Variants in SMIM3 observed in about 807,000 individuals in gnomAD.
SMIM3 encodes NGF-induced differentiation clone 67 protein.
A neutral mutation model predicts 2.1 loss-of-function variants in SMIM3; 4 were observed. The observed-to-expected ratio is 1.89, with a 90% CI of 0.93 to 4.31. SMIM3 has a LOEUF of 4.31. Among genes scored for constraint, SMIM3 ranks in the 30% most tolerant of loss-of-function variants. The probability of loss-of-function intolerance (pLI) is 0.01; values close to 1 mark genes in which losing one functional copy is unlikely to be tolerated. For synonymous variants in SMIM3, 29 were observed against 30.8 expected (o/e 0.94, Z 0.19); for missense variants, 79 against 77.7 (o/e 1.02, Z -0.06).
At chr5:150,782,779 C>A (rs1026282020) in intron 1 of SMIM3, among the ~76,000 whole-genome samples, 2 of 152,178 alleles carry the variant, frequency 1.3e-5, no homozygotes, top group African/African-American at 2.4e-5. Flanking sequence ...TTAGGTTCCA[C>A]GAGTGAGCTC....
intron 1 of SMIM3, among the ~76,000 whole-genome samples, chr5:150,786,644 G>T (rs1170704211): frequency 1.3e-5 from 2 of 152,068 alleles, no homozygotes; most frequent in East Asian, 3.9e-4. Flanking sequence ...CAAATTCTCT[G>T]TCAAAATTCT....
chr5:150,786,760 A>T (rs950982653), intron 1 of SMIM3, among the ~76,000 whole-genome samples: 10 of 150,898 alleles, frequency 6.6e-5, no homozygotes, highest in African/African-American at 2.4e-4. Context: ...TTTTTTTTCT[A>T]TTGTCTGTTG....
At position 150,795,848 on chromosome 5, in the gene SMIM3, A is replaced by AT. The variant is rs529772601; in HGVS notation, c.*226dup. On this transcript the variant is annotated 3_prime_UTR_variant, in exon 2 of 2. Transcript: ENST00000526627. ...TGGTGATCCCTGCCCTTTCTACCTC[A>AT]TAGGGATGTGAGAACCACCTGACTT... 2.9e-4 allele frequency: 167 copies of AT among 567,138 alleles called. No individual in the cohort carries two copies. Among genetic ancestry groups the AT allele is most frequent in the African/African-American group, 2.8e-3 (151 of 53,318 alleles). The allele number at this position is 567,138 out of a possible 1,614,324, so 35.1% of individuals were successfully genotyped here. A position where few individuals can be genotyped will look rare whatever the true frequency, so the allele number is the denominator to read the frequency against.
chr5:150,796,059 C>T lies in SMIM3; in HGVS notation c.*436C>T, dbSNP rs772549328. 6.0e-6 allele frequency: 1 copy of T among 166,458 alleles called. No homozygotes were observed. The highest frequency in any genetic ancestry group is 2.4e-5 in the African/African-American group (1 of 41,722). 10.3% of individuals were successfully genotyped at this position (166,458 alleles called of 1,614,324 possible). On this transcript the variant is annotated 3_prime_UTR_variant, in exon 2 of 2. Coordinates refer to ENST00000526627, the MANE Select transcript of SMIM3 (RefSeq NM_032947.5). ...CCCTCAGGTCAAACCAAGCCAAGAGCACCCTGTCCCCATTCCAAGGGGCCA... is the reference window on the plus strand; with the variant it reads ...CCCTCAGGTCAAACCAAGCCAAGAGTACCCTGTCCCCATTCCAAGGGGCCA...
chr5:150,783,239 G>A (rs1387260615), intron 1 of SMIM3, among the ~76,000 whole-genome samples: 1 of 152,190 alleles, frequency 6.6e-6, no homozygotes, highest in Admixed American at 6.5e-5. Flanking sequence ...GCTACAAAGT[G>A]GCCAGTGTGG....
chr5:150,782,255 T>G (rs1400916963), intron 1 of SMIM3, among the ~76,000 whole-genome samples: 1 of 152,224 alleles, frequency 6.6e-6, no homozygotes, highest in Non-Finnish European at 1.5e-5. Context: ...GTGAAATGAC[T>G]GTGCTGGGTT....
chr5:150,779,960 G>C (rs1753214913), intron 1 of SMIM3, among the ~76,000 whole-genome samples: 1 of 151,980 alleles, frequency 6.6e-6, no homozygotes, highest in Admixed American at 6.6e-5. Context: ...CTGCACCTGG[G>C]GGCTGAGGAG....
Position 150,795,849 on chromosome 5 carries a change from T to A in SMIM3, c.*226T>A, listed in dbSNP as rs1753399464. The A allele has an allele frequency of 1.4e-5, 8 of 563,904 alleles. No homozygotes were observed. The Admixed American group carries it at 2.5e-4, about 17-fold the overall frequency. 34.9% of individuals were successfully genotyped at this position (563,904 alleles called of 1,614,324 possible). ...GGTGATCCCTGCCCTTTCTACCTCA[T>A]AGGGATGTGAGAACCACCTGACTTA... On this transcript the variant is annotated 3_prime_UTR_variant, in exon 2 of 2. Coordinates refer to ENST00000526627, the MANE Select transcript of SMIM3 (RefSeq NM_032947.5).
At chr5:150,785,062 A>ATTT (rs796909997) in intron 1 of SMIM3, among the ~76,000 whole-genome samples, 3 of 77,482 alleles carry the variant, frequency 3.9e-5, no homozygotes, top group Non-Finnish European at 9.6e-5. Context: ...TTAATTCTGT[A>ATTT]TTTTTTTTTT....
In SMIM3 at chr5:150,795,964, A is replaced by T. The variant is rs762206541; in HGVS notation, c.*341A>T. On this transcript the variant is annotated 3_prime_UTR_variant, in exon 2 of 2. Coordinates refer to ENST00000526627, the MANE Select transcript of SMIM3 (RefSeq NM_032947.5). Reference sequence around the variant, plus strand: ...CTGAGAAGCTTTCAAGAACCAGAGAACCTGATTGCTGATGATGGCCTTAAA... The same window carrying T: ...CTGAGAAGCTTTCAAGAACCAGAGATCCTGATTGCTGATGATGGCCTTAAA... 28 of 270,280 alleles carry T rather than the reference A, an allele frequency of 1.0e-4. No homozygotes were observed. The South Asian group carries it at 1.1e-3, about 10-fold the overall frequency. 16.7% of individuals were successfully genotyped at this position (270,280 alleles called of 1,614,324 possible). A position where few individuals can be genotyped will look rare whatever the true frequency, so the allele number is the denominator to read the frequency against.
intron 1 of SMIM3, among the ~76,000 whole-genome samples, chr5:150,788,666 G>A (rs946130536): frequency 6.6e-6 from 1 of 150,756 alleles, no homozygotes; most frequent in African/African-American, 2.4e-5. Context: ...AAAGAAAAAA[G>A]TTTTTTTCCT....
intron 1 of SMIM3, among the ~76,000 whole-genome samples, chr5:150,790,761 C>T (rs1191085378): frequency 1.3e-5 from 2 of 152,152 alleles, no homozygotes; most frequent in African/African-American, 4.8e-5. Flanking sequence ...AAAAGGGCTC[C>T]TCCTCATCCC....
At chr5:150,788,633 C>CAAAAAAAAA (rs765111003) in intron 1 of SMIM3, among the ~76,000 whole-genome samples, 3 of 79,996 alleles carry the variant, frequency 3.8e-5, no homozygotes, top group Non-Finnish European at 8.9e-5. Context: ...GACTGTGTCT[C>CAAAAAAAAA]AAAAAAAAAA....
rs149112213 is a variant in SMIM3 at position 150,786,743 on chromosome 5, G to A, written c.-12+7771G>A. Among the ~76,000 whole-genome samples the A allele has an allele frequency of 9.7e-3, 1,471 of 152,114 alleles. 24 individuals are homozygous for A. The highest frequency in any genetic ancestry group is 0.033 in the African/African-American group (1,369 of 41,458). ...TGATGACTCCAATATCTGGAGCCCC[G>A]GTAGACTTTTTTTTCTATTGTCTGT... On this transcript the variant is annotated intron_variant, in intron 1 of 1. Coordinates refer to ENST00000526627, the MANE Select transcript of SMIM3 (RefSeq NM_032947.5).
At chr5:150,794,466 A>G (rs758182812) in intron 1 of SMIM3, among the ~76,000 whole-genome samples, 1 of 152,236 alleles carries the variant, frequency 6.6e-6, no homozygotes, top group African/African-American at 2.4e-5. Flanking sequence ...AGATATACAC[A>G]TGATGGAATA....
Position 150,796,037 on chromosome 5 carries a change from T to G in SMIM3, c.*414T>G, listed in dbSNP as rs1431196738. ...GCAGAGCAGACTTTGCCAGTGCCCCTCAGGTCAAACCAAGCCAAGAGCACC... is the reference window on the plus strand; with the variant it reads ...GCAGAGCAGACTTTGCCAGTGCCCCGCAGGTCAAACCAAGCCAAGAGCACC... On this transcript the variant is annotated 3_prime_UTR_variant, in exon 2 of 2. Transcript: ENST00000526627. 1.7e-5 allele frequency: 3 copies of G among 181,220 alleles called. No homozygotes were observed. Among genetic ancestry groups the G allele is most frequent in the African/African-American group, 7.1e-5 (3 of 42,220 alleles). The allele number at this position is 181,220 out of a possible 1,614,324, so 11.2% of individuals were successfully genotyped here.
chr5:150,789,654 C>G (rs57214326), intron 1 of SMIM3, among the ~76,000 whole-genome samples: 3,798 of 152,260 alleles, frequency 0.025, 86 homozygotes, highest in South Asian at 0.091. Context: ...AGTAAGCCCG[C>G]TGCACTGAGC....
At chr5:150,787,393 T>C (rs1753304076) in intron 1 of SMIM3, among the ~76,000 whole-genome samples, 1 of 152,232 alleles carries the variant, frequency 6.6e-6, no homozygotes, top group Non-Finnish European at 1.5e-5. Context: ...TCGGAAGTCC[T>C]GATCTTTATA....
At chr5:150,790,419 C>T (rs1388221762) in intron 1 of SMIM3, among the ~76,000 whole-genome samples, 1 of 152,128 alleles carries the variant, frequency 6.6e-6, no homozygotes, top group Non-Finnish European at 1.5e-5. Flanking sequence ...ATCCCGCCCC[C>T]GGTCCTCTAA....
Sources: allele counts gnomAD v4.1 joint callset (sites outside exome capture counted in the v4.1 genomes callset), GRCh38; gene constraint gnomAD v4.1.1; transcripts MANE v1.5; gene names NCBI Gene and HGNC (gene_info 2026-07-23, HGNC 2026-07-21).